The following CDH6 variants were observed in gnomAD, a reference collection of about 807,000 sequenced individuals.
CDH6 encodes cadherin 6.
CDH6 carries 31 observed loss-of-function variants against 78.0 expected under a neutral mutation model. The observed-to-expected ratio is 0.40, with a 90% confidence interval of 0.30 to 0.54. The LOEUF (loss-of-function observed/expected upper bound fraction) is 0.54, where lower values mean the gene tolerates loss of function less well. Ranked by LOEUF, CDH6 falls within the 20% of genes least tolerant of loss-of-function variation. The pLI is 0.56. For missense variants in CDH6, 724 were observed against 975.9 expected (o/e 0.74, Z 3.44); for synonymous variants, 376 against 368.8 (o/e 1.02, Z -0.23).
chr5:31,213,996 G>C (rs1740791747), intron 1 of CDH6, among the ~76,000 whole-genome samples: 1 of 152,066 alleles, frequency 6.6e-6, no homozygotes, highest in Non-Finnish European at 1.5e-5. Flanking sequence ...GTGAGTCCGA[G>C]GCTTCTACTT....
chr5:31,247,640 C>T (rs1741789079), intron 1 of CDH6, among the ~76,000 whole-genome samples: 1 of 152,172 alleles, frequency 6.6e-6, no homozygotes, highest in South Asian at 2.1e-4. Flanking sequence ...TGCATGCAGA[C>T]AGCAATCTGT....
chr5:31,258,635 A>AT (rs1458842744), intron 1 of CDH6, among the ~76,000 whole-genome samples: 5 of 152,052 alleles, frequency 3.3e-5, no homozygotes, highest in Admixed American at 3.3e-4. Context: ...TTAAAGTATA[A>AT]TTTAAAAAAA....
At chr5:31,244,535 A>G (rs1018377254) in intron 1 of CDH6, among the ~76,000 whole-genome samples, 6 of 151,970 alleles carry the variant, frequency 3.9e-5, no homozygotes, top group African/African-American at 1.5e-4. Flanking sequence ...GGGAAAGCAG[A>G]CAAGAACTGG....
Position 31,323,436 on chromosome 5 carries a change from T to A in CDH6, c.*128T>A. ...TCCAAAAGCCAATGGCTGCAGTCCG[T>A]GTGGATCCAATGTTAGAGACTTTTT... On this transcript the variant is annotated 3_prime_UTR_variant, in exon 12 of 12. Transcript: ENST00000265071. The A allele has an allele frequency of 9.1e-7, 1 of 1,095,278 alleles. No individual in the cohort carries two copies. The highest frequency in any genetic ancestry group is 1.3e-6 in the Non-Finnish European group (1 of 767,762). The allele number at this position is 1,095,278 out of a possible 1,614,324, so 67.8% of individuals were successfully genotyped here. A position where few individuals can be genotyped will look rare whatever the true frequency, so the allele number is the denominator to read the frequency against.
chr5:31,198,110 T>A (rs1259866733), intron 1 of CDH6, among the ~76,000 whole-genome samples: 1 of 152,206 alleles, frequency 6.6e-6, no homozygotes, highest in Admixed American at 6.5e-5. Context: ...GGGAGCCATC[T>A]GCAGCCAACA....
At chr5:31,227,763 C>A (rs1741199417) in intron 1 of CDH6, among the ~76,000 whole-genome samples, 1 of 152,172 alleles carries the variant, frequency 6.6e-6, no homozygotes, top group African/African-American at 2.4e-5. Flanking sequence ...TCAACATGCC[C>A]AGTCTCCATG....
rs1228977478 is a variant in CDH6 at position 31,235,230 on chromosome 5, C to CT, written c.-128-32111dup. On this transcript the variant is annotated intron_variant, in intron 1 of 11. Transcript: ENST00000265071. ...CCATATAATTTCATCTTTTCTATTC[C>CT]TTTTTCTTTTTTTTTTTTTTTTTGC... Among the ~76,000 whole-genome samples the CT allele has an allele frequency of 3.1e-3, 143 of 45,936 alleles. 1 individual carries two copies. In the South Asian group the frequency reaches 0.056, roughly 18 times the overall value. The allele number at this position is 45,936 out of a possible 152,430, so 30.1% of individuals were successfully genotyped here. A position where few individuals can be genotyped will look rare whatever the true frequency, so the allele number is the denominator to read the frequency against.
rs559620855 is a variant in CDH6, at chr5:31,301,080, G to A, written c.812-1031G>A. On this transcript the variant is annotated intron_variant, in intron 5 of 11. Coordinates refer to ENST00000265071, the MANE Select transcript of CDH6 (RefSeq NM_004932.4). The stretch of plus-strand genomic sequence containing the variant: ...TGAGGCTGCAGTGAGCCATGATCAC[G>A]CCACTGCACTCCAGCCTGAGCAACA... Among the ~76,000 whole-genome samples, 8 of 152,254 alleles carry A rather than the reference G, an allele frequency of 5.3e-5. No individual in the cohort carries two copies. In the South Asian group the frequency reaches 6.2e-4, roughly 12 times the overall value.
chr5:31,199,396 A>G (rs1460551001), intron 1 of CDH6, among the ~76,000 whole-genome samples: 2 of 149,330 alleles, frequency 1.3e-5, no homozygotes, highest in Non-Finnish European at 3.0e-5. Context: ...ATATATGTAT[A>G]TATGTACTTT....
intron 2 of CDH6, among the ~76,000 whole-genome samples, chr5:31,273,945 C>A (rs568914138): frequency 6.6e-6 from 1 of 151,946 alleles, no homozygotes; most frequent in Non-Finnish European, 1.5e-5. Flanking sequence ...CCTTGATAAC[C>A]CTCTCTAAAC....
At chr5:31,258,744 T>A (rs1438952121) in intron 1 of CDH6, among the ~76,000 whole-genome samples, 1 of 152,236 alleles carries the variant, frequency 6.6e-6, no homozygotes. Flanking sequence ...TTGCTGCTCT[T>A]AGTTAGCTTG....
Position 31,262,181 on chromosome 5 carries a change from C to G in CDH6, c.-128-5165C>G, listed in dbSNP as rs187220801. 3.4e-3 allele frequency among the ~76,000 whole-genome samples: 523 copies of G among 152,280 alleles called. 5 individuals carry two copies. The East Asian group carries it at 0.035, about 10-fold the overall frequency. On this transcript the variant is annotated intron_variant, in intron 1 of 11. Transcript: ENST00000265071. ...AGGCCCAGGCTCCTCCAAAATGGCACGTATTAAATAAAATCTGGACTTGAC... is the reference window on the plus strand; with the variant it reads ...AGGCCCAGGCTCCTCCAAAATGGCAGGTATTAAATAAAATCTGGACTTGAC...
intron 11 of CDH6, 98 bp downstream of exon 11, chr5:31,318,022 C>A (rs986680942): frequency 7.2e-7 from 1 of 1,388,442 alleles, no homozygotes. Context: ...TTAAGGCATA[C>A]AGCCTGATCT....
rs202082546 is a variant in CDH6 at position 31,326,681 on chromosome 5, ATTTTTTTTTTTTTTTT to A, written c.*3386_*3401del. On this transcript the variant is annotated 3_prime_UTR_variant, in exon 12 of 12. Coordinates refer to ENST00000265071, the MANE Select transcript of CDH6 (RefSeq NM_004932.4). ...AAAGAGTTGTGCAGAAAATCTTAAA[ATTTTTTTTTTTTTTTT>A]TTTTTTTTTTTTGAGACAGAATCTC... The A allele has an allele frequency of 8.1e-6, 1 of 123,722 alleles. No individual in the cohort carries two copies. The highest frequency in any genetic ancestry group is 3.5e-5 in the African/African-American group (1 of 28,454). The allele number at this position is 123,722 out of a possible 1,614,324, so 7.7% of individuals were successfully genotyped here.
chr5:31,276,600 G>T (rs1742701429), intron 2 of CDH6, among the ~76,000 whole-genome samples: 1 of 152,186 alleles, frequency 6.6e-6, no homozygotes, highest in African/African-American at 2.4e-5. Context: ...TAAGAAGGTA[G>T]TTGAAGAAGT....
At chr5:31,217,974 T>C (rs183318004) in intron 1 of CDH6, among the ~76,000 whole-genome samples, 1 of 152,296 alleles carries the variant, frequency 6.6e-6, no homozygotes, top group Non-Finnish European at 1.5e-5. Context: ...AAATTCGATA[T>C]TTAGTAGTTT....
chr5:31,209,820 C>T (rs1215142573), intron 1 of CDH6, among the ~76,000 whole-genome samples: 1 of 152,150 alleles, frequency 6.6e-6, no homozygotes, highest in African/African-American at 2.4e-5. Flanking sequence ...GCATCAAAGT[C>T]ATTCACCTGG....
At chr5:31,201,919 T>G (rs1279244196) in intron 1 of CDH6, among the ~76,000 whole-genome samples, 2 of 152,196 alleles carry the variant, frequency 1.3e-5, no homozygotes, top group African/African-American at 4.8e-5. Flanking sequence ...TCTTTGACCA[T>G]ATTAACATAT....
intron 1 of CDH6, among the ~76,000 whole-genome samples, chr5:31,196,410 G>A (rs1740168680): frequency 6.6e-6 from 1 of 152,224 alleles, no homozygotes; most frequent in African/African-American, 2.4e-5. Context: ...TATTCTGAGT[G>A]AAACTACAAT....
Sources: allele counts gnomAD v4.1 joint callset (sites outside exome capture counted in the v4.1 genomes callset), GRCh38; gene constraint gnomAD v4.1.1; transcripts MANE v1.5; gene names NCBI Gene and HGNC (gene_info 2026-07-23, HGNC 2026-07-21).